ZNF608: variants seen among roughly 807,000 people sequenced by gnomAD.
The protein encoded by ZNF608 is zinc finger protein 608.
In ZNF608, 12 loss-of-function variants were observed where a neutral mutation model predicts 109.0. The observed-to-expected ratio is 0.11, with a 90% confidence interval of 0.07 to 0.18. ZNF608 has a LOEUF of 0.18. ZNF608 is among the 10% of genes least tolerant of loss of function. ZNF608 has a pLI of 1.00. For synonymous variants in ZNF608, 732 were observed against 717.4 expected (o/e 1.02, Z -0.33); for missense variants, 1,707 against 1,879.3 (o/e 0.91, Z 1.70).
At chr5:124,711,100 A>G (rs1443774900) in intron 2 of ZNF608, among the ~76,000 whole-genome samples, 1 of 152,156 alleles carries the variant, frequency 6.6e-6, no homozygotes, top group Non-Finnish European at 1.5e-5. Context: ...CAAGTTCTAA[A>G]CCATAAACCA....
At chr5:124,735,144 G>T (rs916633605) in intron 2 of ZNF608, 8 of 152,192 alleles carry the variant, frequency 5.3e-5, no homozygotes, top group Admixed American at 2.0e-4. Context: ...GCATTAATTT[G>T]TTTCTAGATG....
intron 2 of ZNF608, among the ~76,000 whole-genome samples, chr5:124,720,019 A>T (rs1459255929): frequency 6.6e-6 from 1 of 152,232 alleles, no homozygotes; most frequent in African/African-American, 2.4e-5. Flanking sequence ...AACAACAACA[A>T]CAATAACAAA....
chr5:124,641,212 G>C (rs1183747658), intron 8 of ZNF608, 40 bp downstream of exon 8: 24 of 1,611,740 alleles, frequency 1.5e-5, no homozygotes, highest in Non-Finnish European at 2.0e-5. Flanking sequence ...GTTTTCCAAA[G>C]CAGAATGGAC....
At chr5:124,719,933 T>C (rs187826513) in intron 2 of ZNF608, among the ~76,000 whole-genome samples, 2 of 152,336 alleles carry the variant, frequency 1.3e-5, no homozygotes, top group African/African-American at 4.8e-5. Flanking sequence ...CAGGCATTCA[T>C]TCTAAACCTC....
chr5:124,723,179 C>A (rs113648839), intron 2 of ZNF608, among the ~76,000 whole-genome samples: 5 of 151,712 alleles, frequency 3.3e-5, no homozygotes, highest in Admixed American at 1.3e-4. Context: ...TACAGGCACG[C>A]GACACCACTC....
intron 7 of ZNF608, among the ~76,000 whole-genome samples, chr5:124,643,126 C>A (rs995951177): frequency 2.6e-5 from 4 of 152,108 alleles, no homozygotes; most frequent in Admixed American, 2.6e-4. Context: ...CAGTTTGTAG[C>A]CTCTGAACTA....
chr5:124,647,007 T>G lies in ZNF608; in HGVS notation c.3377A>C (p.Asp1126Ala). ...EQKMAQTGRG[D>A]CERKSELPLK... is the part of the protein sequence containing the mutation. ...GGGGAGCTCACTTTTCCTTTCACAGTCTCCTCTCCCAGTCTGGGCCATTTT... is the reference window on the plus strand; with the variant it reads ...GGGGAGCTCACTTTTCCTTTCACAGGCTCCTCTCCCAGTCTGGGCCATTTT... Residue 1126 changes from aspartate to alanine, a missense_variant, in exon 5 of 10, where the codon GAC becomes GCC. Asp to Ala is a moderately radical substitution (Grantham distance 126). This residue lies in a region of ZNF608 where 1,073 missense variants were observed against 1,133.5 expected (regional missense o/e 0.95). Coordinates refer to ENST00000513986, the MANE Select transcript of ZNF608 (RefSeq NM_020747.3). 1 of 1,614,068 alleles carries G rather than the reference T, an allele frequency of 6.2e-7. No individual in the cohort carries two copies. Among genetic ancestry groups the G allele is most frequent in the Non-Finnish European group, 8.5e-7 (1 of 1,179,998 alleles).
intron 2 of ZNF608, among the ~76,000 whole-genome samples, chr5:124,727,451 C>G (rs934978672): frequency 3.9e-5 from 6 of 151,942 alleles, no homozygotes; most frequent in African/African-American, 1.5e-4. Context: ...AAATCAATTT[C>G]ATTGGGTATG....
intron 3 of ZNF608, among the ~76,000 whole-genome samples, chr5:124,651,159 T>C (rs991563995): frequency 6.6e-6 from 1 of 152,244 alleles, no homozygotes; most frequent in African/African-American, 2.4e-5. Flanking sequence ...AAATCATAGC[T>C]GATTCCAATG....
chr5:124,639,720 A>G (rs1443269410), intron 8 of ZNF608, among the ~76,000 whole-genome samples: 1 of 152,234 alleles, frequency 6.6e-6, no homozygotes, highest in Non-Finnish European at 1.5e-5. Context: ...CTGCAAGACA[A>G]AGGTAGCAGT....
chr5:124,645,425 C>G lies in ZNF608; in HGVS notation c.3706-764G>C, dbSNP rs146027121. Among the ~76,000 whole-genome samples the G allele has an allele frequency of 2.6e-3, 403 of 152,232 alleles. 1 individual carries two copies. Among genetic ancestry groups the G allele is most frequent in the Middle Eastern group, 6.8e-3 (2 of 294 alleles). On this transcript the variant is annotated intron_variant, in intron 5 of 9. Transcript: ENST00000513986. ...CTAAATGGCCTTTGTGATCCCCATC[C>G]CATTCATGATATAAACCCACTGGGG...
chr5:124,689,709 A>T (rs1041022140), intron 3 of ZNF608, among the ~76,000 whole-genome samples: 1 of 152,294 alleles, frequency 6.6e-6, no homozygotes, highest in Non-Finnish European at 1.5e-5. Context: ...CTACACACCT[A>T]TTAGAATGGT....
chr5:124,675,289 C>T (rs1048445336), intron 3 of ZNF608, among the ~76,000 whole-genome samples: 2 of 152,180 alleles, frequency 1.3e-5, no homozygotes, highest in African/African-American at 4.8e-5. Flanking sequence ...ATCATTCAAA[C>T]GTGTGCAAAT....
chr5:124,727,222 C>G (rs1328814005), intron 2 of ZNF608, among the ~76,000 whole-genome samples: 3 of 152,156 alleles, frequency 2.0e-5, no homozygotes, highest in Non-Finnish European at 4.4e-5. Context: ...ATTTCACAAC[C>G]CTGTGCTCTG....
chr5:124,692,783 T>A (rs1752673906), intron 3 of ZNF608, among the ~76,000 whole-genome samples: 1 of 152,216 alleles, frequency 6.6e-6, no homozygotes. Flanking sequence ...TAAGTCTCCT[T>A]TATTAAAATA....
chr5:124,741,059 T>C (rs1308660047), intron 2 of ZNF608, among the ~76,000 whole-genome samples: 2 of 152,086 alleles, frequency 1.3e-5, no homozygotes, highest in African/African-American at 4.8e-5. Context: ...AGCCAACCCA[T>C]CAAATCTACT....
chr5:124,701,248 G>A lies in ZNF608; in HGVS notation c.928C>T (p.Pro310Ser). The change falls in exon 3 of 10, where the codon CCA becomes TCA. Residue 310 changes from proline to serine, a missense_variant. By Grantham distance (74) the Pro-to-Ser change is moderately conservative. Around this residue, in one of 7 missense-constraint regions of ZNF608, gnomAD observed 407 missense variants for 398.7 expected, o/e 1.02. Coordinates refer to ENST00000513986, the MANE Select transcript of ZNF608 (RefSeq NM_020747.3). ...TEKVDPLFTV[P>S]APPPPISSSL... Reference sequence around the variant, plus strand: ...CTGGAAATCGGCGGTGGTGGCGCTGGCACTGTAAACAGGGGGTCAACCTGA... The same window carrying A: ...CTGGAAATCGGCGGTGGTGGCGCTGACACTGTAAACAGGGGGTCAACCTGA... 6.2e-7 allele frequency: 1 copy of A among 1,614,088 alleles called. No homozygotes were observed. Among genetic ancestry groups the A allele is most frequent in the Non-Finnish European group, 8.5e-7 (1 of 1,180,004 alleles).
At chr5:124,642,995 C>G (rs1446418712) in intron 7 of ZNF608, among the ~76,000 whole-genome samples, 2 of 152,088 alleles carry the variant, frequency 1.3e-5, no homozygotes, top group Non-Finnish European at 2.9e-5. Context: ...ACTCCCGGCC[C>G]AGATTTTCTA....
rs1580533174 is a variant in ZNF608, at chr5:124,647,513, A to G, written c.2871T>C (p.Gly957=). The G allele has an allele frequency of 3.7e-6, 6 of 1,614,100 alleles. No homozygotes were observed. The Middle Eastern group carries it at 4.9e-4, about 133-fold the overall frequency. Residue 957 remains glycine (G), a synonymous_variant, in exon 5 of 10, where the codon GGT becomes GGC. Transcript: ENST00000513986. The stretch of plus-strand genomic sequence containing the variant: ...ATGGGGAACTGGCCTTTGATCTCAT[A>G]CCCTCCGACCTGCTGTCAGAACCAC... ...DDGGSDSRSE[G]MRSKASSPSD...
Sources: gnomAD v4.1 joint callset for allele counts (sites outside exome capture counted in the v4.1 genomes callset) on GRCh38, gnomAD v4.1.1 for gene constraint, gnomAD v4.1.1 regional missense constraint, MANE v1.5 for transcripts, NCBI Gene and HGNC (gene_info 2026-07-23, HGNC 2026-07-21) for gene names.